The following DCAF17 variants were observed in gnomAD, a reference collection of about 807,000 sequenced individuals.
The protein encoded by DCAF17 is DDB1 and CUL4 associated factor 17.
DCAF17 carries 48 observed loss-of-function variants against 66.0 expected under a neutral mutation model. The observed-to-expected ratio is 0.73, with a 90% CI of 0.58 to 0.92. The LOEUF is 0.92. DCAF17 is among the 40% of genes least tolerant of loss of function. The pLI is 0.00. For missense variants in DCAF17, 562 were observed against 622.8 expected (o/e 0.90, Z 1.04); for synonymous variants, 206 against 214.6 (o/e 0.96, Z 0.35).
rs1179035573 is a variant in DCAF17 at position 171,460,543 on chromosome 2, A to ATTATTATTATTATTATTATTT, written c.838+2066_838+2067insTTATTATTATTATTATTATTT. ...TATTATTATTATTATTATTATTATTAATTTTGAGACAGGGTCTCACTCTGT... is the reference window on the plus strand; with the variant it reads ...TATTATTATTATTATTATTATTATTATTATTATTATTATTATTATTTATTTTGAGACAGGGTCTCACTCTGT... On this transcript the variant is annotated intron_variant, in intron 8 of 13. Transcript: ENST00000375255. Among the ~76,000 whole-genome samples, 888 of 136,588 alleles carry ATTATTATTATTATTATTATTT rather than the reference A, an allele frequency of 6.5e-3. 96 individuals carry two copies. The highest frequency in any genetic ancestry group is 0.03 in the South Asian group (120 of 4,056). The allele number at this position is 136,588 out of a possible 152,430, so 89.6% of individuals were successfully genotyped here. A position where few individuals can be genotyped will look rare whatever the true frequency, so the allele number is the denominator to read the frequency against.
At chr2:171,480,842 CCT>C (rs1187118551) in intron 13 of DCAF17, 130 bp from the exon 14 acceptor site, 1 of 1,127,538 alleles carries the variant, frequency 8.9e-7, no homozygotes, top group African/African-American at 1.6e-5. Context: ...GAAAAATAAA[CCT>C]CTTTCTAGCA....
At position 171,435,202 on chromosome 2, in the gene DCAF17, T is replaced by C; in HGVS notation, c.230+16T>C. On this transcript the variant is annotated intron_variant, in intron 2 of 13. Transcript: ENST00000375255. The stretch of plus-strand genomic sequence containing the variant: ...GTGTCAGCAGGTAACTTTTTATTGA[T>C]AATTTTGCTGTAATTCACCTCACTG... 6.3e-7 allele frequency: 1 copy of C among 1,583,182 alleles called. No individual in the cohort carries two copies. The highest frequency in any genetic ancestry group is 8.7e-7 in the Non-Finnish European group (1 of 1,152,114).
intron 8 of DCAF17, among the ~76,000 whole-genome samples, chr2:171,458,861 A>C (rs1248999311): frequency 6.6e-6 from 1 of 152,096 alleles, no homozygotes; most frequent in East Asian, 1.9e-4. Flanking sequence ...TCCAAGAAAA[A>C]ATTTTTACCA....
At chr2:171,446,679 G>A (rs1222562211) in intron 3 of DCAF17, among the ~76,000 whole-genome samples, 1 of 152,098 alleles carries the variant, frequency 6.6e-6, no homozygotes, top group Admixed American at 6.6e-5. Context: ...AGGTTTCCAG[G>A]GGAAAAGAGC....
In DCAF17 at chr2:171,482,522, A is replaced by G. The variant is rs1242543149; in HGVS notation, c.*1408A>G. On this transcript the variant is annotated 3_prime_UTR_variant, in exon 14 of 14. Coordinates refer to ENST00000375255, the MANE Select transcript of DCAF17 (RefSeq NM_025000.4). ...TTACATCTTGAAAAACAAGACCAGT[A>G]AGAGGCCAGTGAAAGTACTAAAGAA... 4.4e-6 allele frequency: 2 copies of G among 454,122 alleles called. No homozygotes were observed. Among genetic ancestry groups the G allele is most frequent in the Admixed American group, 4.7e-5 (2 of 42,570 alleles). 28.1% of individuals were successfully genotyped at this position (454,122 alleles called of 1,614,324 possible).
intron 8 of DCAF17, among the ~76,000 whole-genome samples, chr2:171,465,992 C>T (rs1354806500): frequency 6.6e-6 from 1 of 151,742 alleles, no homozygotes; most frequent in Non-Finnish European, 1.5e-5. Flanking sequence ...TGTTCTATAC[C>T]TTATAATTTT....
intron 6 of DCAF17, among the ~76,000 whole-genome samples, chr2:171,457,128 T>C (rs1235203510): frequency 6.6e-6 from 1 of 152,208 alleles, no homozygotes; most frequent in Admixed American, 6.5e-5. Flanking sequence ...TAAAAAGTCA[T>C]GAACTAGTCA....
Position 171,448,822 on chromosome 2 carries a change from T to G in DCAF17, c.458+5T>G, listed in dbSNP as rs773660075. 1.2e-6 allele frequency: 2 copies of G among 1,608,814 alleles called. No homozygotes were observed. Among genetic ancestry groups the G allele is most frequent in the South Asian group, 2.2e-5 (2 of 90,614 alleles). Reference sequence around the variant, plus strand: ...TGCACCTTATTGCAAATTCAGGTATTTACTGTGAATTTATTATTCAAGATT... The same window carrying G: ...TGCACCTTATTGCAAATTCAGGTATGTACTGTGAATTTATTATTCAAGATT... On this transcript the variant is annotated splice_donor_5th_base_variant and intron_variant, in intron 4 of 13. Coordinates refer to ENST00000375255, the MANE Select transcript of DCAF17 (RefSeq NM_025000.4).
At position 171,461,802 on chromosome 2, in the gene DCAF17, C is replaced by T. The variant is rs116916821; in HGVS notation, c.838+3325C>T. On this transcript the variant is annotated intron_variant, in intron 8 of 13. Transcript: ENST00000375255. Reference sequence around the variant, plus strand: ...TCCCAAAAAGTTCCCCTGTGCTCTTCGCAGTAAATTCCTCTCTTAACCCAG... The same window carrying T: ...TCCCAAAAAGTTCCCCTGTGCTCTTTGCAGTAAATTCCTCTCTTAACCCAG... 1.5e-3 allele frequency among the ~76,000 whole-genome samples: 230 copies of T among 152,282 alleles called. 4 individuals carry two copies. In the East Asian group the frequency reaches 0.016, roughly 11 times the overall value.
intron 3 of DCAF17, among the ~76,000 whole-genome samples, chr2:171,447,100 T>C (rs1231076744): frequency 2.0e-5 from 3 of 152,162 alleles, no homozygotes; most frequent in Admixed American, 6.5e-5. Context: ...ATTATAGTTA[T>C]GTTATTTCTT....
intron 2 of DCAF17, among the ~76,000 whole-genome samples, chr2:171,438,514 T>C (rs1694097615): frequency 6.6e-6 from 1 of 152,228 alleles, no homozygotes; most frequent in African/African-American, 2.4e-5. Context: ...GTTTGCCACA[T>C]TGTGTTTTGA....
intron 2 of DCAF17, among the ~76,000 whole-genome samples, chr2:171,442,550 T>G (rs1574325337): frequency 3.0e-5 from 3 of 98,862 alleles, no homozygotes; most frequent in African/African-American, 8.3e-5. Context: ...GGAGACAGAG[T>G]GAGACTCCAT....
At position 171,481,362 on chromosome 2, in the gene DCAF17, G is replaced by T. The variant is rs1392214620; in HGVS notation, c.*248G>T. The T allele has an allele frequency of 1.8e-6, 1 of 568,320 alleles. No homozygotes were observed. The highest frequency in any genetic ancestry group is 1.5e-5 in the South Asian group (1 of 65,560). 35.2% of individuals were successfully genotyped at this position (568,320 alleles called of 1,614,324 possible). On this transcript the variant is annotated 3_prime_UTR_variant, in exon 14 of 14. Coordinates refer to ENST00000375255, the MANE Select transcript of DCAF17 (RefSeq NM_025000.4). The stretch of plus-strand genomic sequence containing the variant: ...GTGTTTTGCAGCTTTGAGCTAGGTG[G>T]TAATGCAAATATAAAATGCTGGGAA...
intron 2 of DCAF17, among the ~76,000 whole-genome samples, chr2:171,442,297 G>A (rs1209315391): frequency 2.6e-5 from 4 of 151,956 alleles, no homozygotes; most frequent in African/African-American, 9.7e-5. Context: ...AGTGGCTCAC[G>A]CCTGTAATCC....
chr2:171,465,046 A>T (rs1402585389), intron 8 of DCAF17, among the ~76,000 whole-genome samples: 1 of 151,860 alleles, frequency 6.6e-6, no homozygotes, highest in Non-Finnish European at 1.5e-5. Context: ...AAATAGAAAA[A>T]ATTTAGCCAG....
At chr2:171,468,647 A>G (rs1696061526) in intron 8 of DCAF17, among the ~76,000 whole-genome samples, 4 of 152,178 alleles carry the variant, frequency 2.6e-5, no homozygotes, top group Non-Finnish European at 4.4e-5. Context: ...TGCGGGCCAC[A>G]TATACCTCCT....
intron 12 of DCAF17, chr2:171,479,770 G>A (rs1165768746): frequency 2.6e-6 from 1 of 384,950 alleles, no homozygotes; most frequent in Non-Finnish European, 4.8e-6. Context: ...TGTCACTGTG[G>A]AGAATTTCAA....
Position 171,482,621 on chromosome 2 carries a change from AAG to A in DCAF17, c.*1510_*1511del. ...AGTAGAGTGTTCATTCTCCATTTCC[AAG>A]AGTGTTTCAGAATAGGATGTCTTAA... On this transcript the variant is annotated 3_prime_UTR_variant, in exon 14 of 14. Transcript: ENST00000375255. 1 of 454,062 alleles carries A rather than the reference AAG, an allele frequency of 2.2e-6. No individual in the cohort carries two copies. The highest frequency in any genetic ancestry group is 4.4e-6 in the Non-Finnish European group (1 of 226,774). The allele number at this position is 454,062 out of a possible 1,614,324, so 28.1% of individuals were successfully genotyped here.
At chr2:171,469,126 T>G (rs939179119) in intron 9 of DCAF17, 96 bp downstream of exon 9, 39 of 1,386,622 alleles carry the variant, frequency 2.8e-5, no homozygotes, top group Non-Finnish European at 7.1e-6. Context: ...ATTACTTTTT[T>G]GTGCATTTGT....
Sources: gnomAD v4.1 joint callset for allele counts (sites outside exome capture counted in the v4.1 genomes callset) on GRCh38, gnomAD v4.1.1 for gene constraint, MANE v1.5 for transcripts, NCBI Gene and HGNC (gene_info 2026-07-23, HGNC 2026-07-21) for gene names.